The following CHSY3 variants were observed in gnomAD, a reference collection of about 807,000 sequenced individuals.
The protein encoded by CHSY3 is N-acetylgalactosaminyl-proteoglycan 3-beta-glucuronosyltransferase 3.
CHSY3 carries 35 observed loss-of-function variants against 67.2 expected under a neutral mutation model. The ratio of observed to expected loss-of-function variants is 0.52; its 90% CI spans 0.40 to 0.69. The LOEUF is 0.69. Among genes scored for constraint, CHSY3 ranks in the 30% least tolerant of loss-of-function variants. The pLI, the probability that CHSY3 is intolerant of heterozygous loss-of-function variation, is 0.00. For missense variants in CHSY3, 1,069 were observed against 1,138.5 expected, an observed-to-expected ratio of 0.94 and a Z score of 0.88; for synonymous variants, 474 against 434.7, an observed-to-expected ratio of 1.09 and a Z score of -1.12.
chr5:130,142,588 A>T (rs1351561573), intron 2 of CHSY3, among the ~76,000 whole-genome samples: 2 of 152,242 alleles, frequency 1.3e-5, no homozygotes, highest in African/African-American at 4.8e-5. Flanking sequence ...TGTTGTAGGA[A>T]TTAATTACAT....
At chr5:129,943,222 C>A (rs971214297) in intron 2 of CHSY3, among the ~76,000 whole-genome samples, 1 of 151,970 alleles carries the variant, frequency 6.6e-6, no homozygotes, top group East Asian at 1.9e-4. Flanking sequence ...GCATTAGCAC[C>A]AAATGAATAT....
At chr5:130,028,057 A>T (rs1764600659) in intron 2 of CHSY3, among the ~76,000 whole-genome samples, 1 of 152,172 alleles carries the variant, frequency 6.6e-6, no homozygotes, top group South Asian at 2.1e-4. Context: ...ACTGTCTTCC[A>T]CAATGGTTGA....
intron 2 of CHSY3, among the ~76,000 whole-genome samples, chr5:130,175,323 A>G (rs1770011642): frequency 6.6e-6 from 1 of 152,228 alleles, no homozygotes. Context: ...CTCTTCAAGG[A>G]GAACTACAAA....
chr5:129,995,594 C>T (rs188589876), intron 2 of CHSY3, among the ~76,000 whole-genome samples: 5 of 150,204 alleles, frequency 3.3e-5, no homozygotes, highest in African/African-American at 7.3e-5. Context: ...AAAAGTAGTG[C>T]GCATGTATTA....
chr5:130,160,901 T>TATTTA (rs1340199008), intron 2 of CHSY3, among the ~76,000 whole-genome samples: 8 of 144,160 alleles, frequency 5.5e-5, no homozygotes, highest in African/African-American at 2.1e-4. Context: ...ATTTATTTTT[T>TATTTA]TTTTTTTATT....
intron 2 of CHSY3, among the ~76,000 whole-genome samples, chr5:129,979,449 C>CT (rs34149547): frequency 6.0e-5 from 9 of 150,862 alleles, no homozygotes; most frequent in African/African-American, 1.9e-4. Context: ...TCTGGCCTTC[C>CT]TTTTTTTTTA....
intron 2 of CHSY3, among the ~76,000 whole-genome samples, chr5:130,015,553 G>T (rs1414020617): frequency 6.6e-6 from 1 of 152,174 alleles, no homozygotes; most frequent in Non-Finnish European, 1.5e-5. Flanking sequence ...TCTGACATGA[G>T]TCAGAATGCC....
chr5:130,160,572 G>C (rs141109441), intron 2 of CHSY3, among the ~76,000 whole-genome samples: 2 of 152,338 alleles, frequency 1.3e-5, no homozygotes, highest in East Asian at 3.9e-4. Context: ...GGCATTTGGA[G>C]ATGCTTTCTG....
At chr5:130,173,011 TTATA>T (rs1416136110) in intron 2 of CHSY3, among the ~76,000 whole-genome samples, 1 of 152,204 alleles carries the variant, frequency 6.6e-6, no homozygotes, top group African/African-American at 2.4e-5. Flanking sequence ...TTCAGAAAAC[TTATA>T]TTTATGACAA....
At chr5:129,917,174 C>T (rs996083153) in intron 2 of CHSY3, among the ~76,000 whole-genome samples, 2 of 152,268 alleles carry the variant, frequency 1.3e-5, no homozygotes, top group South Asian at 4.1e-4. Context: ...AGCTGTGTGG[C>T]CTTACACAAG....
chr5:130,157,015 G>A (rs1769390980), intron 2 of CHSY3, among the ~76,000 whole-genome samples: 1 of 152,124 alleles, frequency 6.6e-6, no homozygotes, highest in African/African-American at 2.4e-5. Flanking sequence ...TTGAGGTGAG[G>A]CTTTGATTCA....
chr5:130,061,019 C>T (rs1765694586), intron 2 of CHSY3, among the ~76,000 whole-genome samples: 1 of 152,038 alleles, frequency 6.6e-6, no homozygotes, highest in African/African-American at 2.4e-5. Flanking sequence ...AGTGAAATCC[C>T]TCTAAAATTT....
chr5:129,987,445 TA>T (rs1301417984), intron 2 of CHSY3, among the ~76,000 whole-genome samples: 1 of 152,240 alleles, frequency 6.6e-6, no homozygotes, highest in Admixed American at 6.5e-5. Context: ...TCTGTGTAAT[TA>T]ATAACAGGAG....
At chr5:130,066,564 A>C (rs1227262659) in intron 2 of CHSY3, among the ~76,000 whole-genome samples, 1 of 152,106 alleles carries the variant, frequency 6.6e-6, no homozygotes, top group African/African-American at 2.4e-5. Context: ...TTTGAGAAAA[A>C]ATTAAGCATA....
At position 129,904,628 on chromosome 5, in the gene CHSY3, G is replaced by GAGCGGGAGCCCGGCAGGC; in HGVS notation, c.-198_-181dup. ...TTGCTCGGAGCCCCGGCCCAGAGCT[G>GAGCGGGAGCCCGGCAGGC]AGCGGGAGCCCGGCAGGCAGCTGCA... On this transcript the variant is annotated 5_prime_UTR_variant, in exon 1 of 3. Coordinates refer to ENST00000305031, the MANE Select transcript of CHSY3 (RefSeq NM_175856.5). 2 of 841,124 alleles carry GAGCGGGAGCCCGGCAGGC rather than the reference G, an allele frequency of 2.4e-6. No individual in the cohort carries two copies. The highest frequency in any genetic ancestry group is 3.1e-6 in the Non-Finnish European group (2 of 642,286). 52.1% of individuals were successfully genotyped at this position (841,124 alleles called of 1,614,324 possible).
chr5:129,905,300 C>T lies in CHSY3; in HGVS notation c.471C>T (p.Ser157=), dbSNP rs1405150637. ...GGCCGGGGAGTAGCCACAACGGCAG[C>T]GGGGACGGGGGCGCTGCCGCCCCGA... ...DGRPGSSHNG[S]GDGGAAAPSA... Residue 157 remains serine (S), a synonymous_variant, in exon 1 of 3, where the codon AGC becomes AGT. Coordinates refer to ENST00000305031, the MANE Select transcript of CHSY3 (RefSeq NM_175856.5). The T allele has an allele frequency of 1.8e-5, 27 of 1,486,228 alleles. No individual in the cohort carries two copies. Among genetic ancestry groups the T allele is most frequent in the Non-Finnish European group, 2.4e-5 (27 of 1,120,858 alleles). The allele number at this position is 1,486,228 out of a possible 1,614,324, so 92.1% of individuals were successfully genotyped here.
intron 2 of CHSY3, among the ~76,000 whole-genome samples, chr5:130,146,842 G>C (rs891805481): frequency 8.6e-5 from 13 of 152,038 alleles, no homozygotes; most frequent in Non-Finnish European, 1.6e-4. Flanking sequence ...TGCCCAGGCT[G>C]GAGTGCAATG....
At chr5:130,159,804 A>T (rs1051677473) in intron 2 of CHSY3, among the ~76,000 whole-genome samples, 2 of 152,228 alleles carry the variant, frequency 1.3e-5, no homozygotes, top group Non-Finnish European at 2.9e-5. Flanking sequence ...AGCATCAGTG[A>T]TCACTGTAAA....
At chr5:130,112,166 T>C (rs927266119) in intron 2 of CHSY3, among the ~76,000 whole-genome samples, 1 of 152,088 alleles carries the variant, frequency 6.6e-6, no homozygotes, top group African/African-American at 2.4e-5. Flanking sequence ...AGTACTATAA[T>C]TGGAGATATC....
Sources: allele counts gnomAD v4.1 joint callset (sites outside exome capture counted in the v4.1 genomes callset), GRCh38; gene constraint gnomAD v4.1.1; transcripts MANE v1.5; gene names NCBI Gene and HGNC (gene_info 2026-07-23, HGNC 2026-07-21).